The following PPP2R5E variants were observed in gnomAD, a reference collection of about 807,000 sequenced individuals.
The protein encoded by PPP2R5E is protein phosphatase 2 regulatory subunit B'epsilon.
A neutral mutation model predicts 65.3 loss-of-function variants in PPP2R5E; 4 were observed. The ratio of observed to expected loss-of-function variants is 0.06; its 90% confidence interval spans 0.03 to 0.14. The LOEUF is 0.14. Among genes scored for constraint, PPP2R5E ranks in the 10% least tolerant of loss-of-function variants. The pLI is 1.00. For synonymous variants in PPP2R5E, 183 were observed against 187.4 expected, an observed-to-expected ratio of 0.98 and a Z score of 0.19; for missense variants, 274 against 556.1, an observed-to-expected ratio of 0.49 and a Z score of 5.10.
At chr14:63,538,335 AC>A (rs1893757954) in intron 2 of PPP2R5E, among the ~76,000 whole-genome samples, 1 of 150,316 alleles carries the variant, frequency 6.7e-6, no homozygotes, top group South Asian at 2.1e-4. Context: ...ATCTGGGCTC[AC>A]TTCAACCTCT....
In PPP2R5E at chr14:63,521,251, T is replaced by A. The variant is rs61983979; in HGVS notation, c.157+18278A>T. Among the ~76,000 whole-genome samples the A allele has an allele frequency of 3.7e-3, 562 of 152,334 alleles. 3 individuals are homozygous for A. Among genetic ancestry groups the A allele is most frequent in the Non-Finnish European group, 5.6e-3 (383 of 68,030 alleles). On this transcript the variant is annotated intron_variant, in intron 2 of 13. Coordinates refer to ENST00000337537, the MANE Select transcript of PPP2R5E (RefSeq NM_006246.5). ...TGTTAAGACATAAATCTAAATATAA[T>A]ACAATATAGCTCTATTCAACATAAG...
chr14:63,519,169 G>A (rs1290809247), intron 2 of PPP2R5E, among the ~76,000 whole-genome samples: 3 of 151,994 alleles, frequency 2.0e-5, no homozygotes, highest in African/African-American at 4.8e-5. Flanking sequence ...AGCCAAGATC[G>A]TGCCATTGCA....
chr14:63,411,448 G>C (rs1391373249), intron 5 of PPP2R5E, among the ~76,000 whole-genome samples: 1 of 151,622 alleles, frequency 6.6e-6, no homozygotes, highest in Non-Finnish European at 1.5e-5. Context: ...GTGCAGTTGT[G>C]TTACATGGAT....
intron 2 of PPP2R5E, among the ~76,000 whole-genome samples, chr14:63,457,047 A>T (rs745871739): frequency 2.0e-5 from 3 of 152,264 alleles, no homozygotes; most frequent in Non-Finnish European, 2.9e-5. Context: ...ACAATTTAGG[A>T]AAGTTTTATA....
At chr14:63,492,181 T>C (rs1891315632) in intron 2 of PPP2R5E, among the ~76,000 whole-genome samples, 1 of 152,090 alleles carries the variant, frequency 6.6e-6, no homozygotes, top group Non-Finnish European at 1.5e-5. Context: ...CACTGATTTT[T>C]TACATCTTTA....
At chr14:63,435,027 G>A (rs1454883881) in intron 3 of PPP2R5E, among the ~76,000 whole-genome samples, 2 of 152,048 alleles carry the variant, frequency 1.3e-5, no homozygotes, top group African/African-American at 4.8e-5. Flanking sequence ...AGGAGAGTAT[G>A]TTTACATCAT....
chr14:63,492,025 G>T (rs1891307524), intron 2 of PPP2R5E, among the ~76,000 whole-genome samples: 1 of 151,932 alleles, frequency 6.6e-6, no homozygotes. Context: ...AAGAAACAAA[G>T]GGGAAAACTT....
intron 3 of PPP2R5E, among the ~76,000 whole-genome samples, chr14:63,445,871 GTGGCTTCGAT>G (rs965450624): frequency 1.8e-4 from 28 of 151,840 alleles, no homozygotes; most frequent in Admixed American, 1.4e-3. Flanking sequence ...AATGAAGTTT[GTGGCTTCGAT>G]TGACTCTTCC....
chr14:63,455,068 G>C (rs1156650375), intron 2 of PPP2R5E, among the ~76,000 whole-genome samples: 1 of 152,172 alleles, frequency 6.6e-6, no homozygotes, highest in Non-Finnish European at 1.5e-5. Flanking sequence ...GTCATCCTCA[G>C]TTGCCAGCCT....
chr14:63,410,662 G>A (rs948908527), intron 5 of PPP2R5E, among the ~76,000 whole-genome samples: 12 of 152,174 alleles, frequency 7.9e-5, no homozygotes, highest in Admixed American at 2.0e-4. Context: ...AGACTAAAGG[G>A]TAAGGAAAAG....
At chr14:63,459,866 T>C (rs770498987) in intron 2 of PPP2R5E, among the ~76,000 whole-genome samples, 1 of 152,206 alleles carries the variant, frequency 6.6e-6, no homozygotes, top group African/African-American at 2.4e-5. Context: ...AAACTTTTAG[T>C]TTCCAAGCTA....
chr14:63,530,827 G>C (rs774222160), intron 2 of PPP2R5E, among the ~76,000 whole-genome samples: 10 of 151,230 alleles, frequency 6.6e-5, no homozygotes, highest in Non-Finnish European at 1.0e-4. Context: ...ATGTTGGCCT[G>C]GCTGGTATCA....
In PPP2R5E at chr14:63,372,930, T is replaced by C. The variant is rs978296081; in HGVS notation, c.*3079A>G. 9.9e-5 allele frequency: 15 copies of C among 152,210 alleles called. No individual in the cohort carries two copies. Among genetic ancestry groups the C allele is most frequent in the African/African-American group, 3.6e-4 (15 of 41,448 alleles). 9.4% of individuals were successfully genotyped at this position (152,210 alleles called of 1,614,324 possible). A position where few individuals can be genotyped will look rare whatever the true frequency, so the allele number is the denominator to read the frequency against. ...AGGGTATTATTTATTTCTTTTTTTT[T>C]CTTTTCTTTTATAAAAAACAGTCAA... On this transcript the variant is annotated 3_prime_UTR_variant, in exon 14 of 14. Coordinates refer to ENST00000337537, the MANE Select transcript of PPP2R5E (RefSeq NM_006246.5).
At chr14:63,387,242 C>T (rs1338444904) in intron 11 of PPP2R5E, among the ~76,000 whole-genome samples, 1 of 152,146 alleles carries the variant, frequency 6.6e-6, no homozygotes, top group Non-Finnish European at 1.5e-5. Flanking sequence ...CTCCAGAATC[C>T]AATATTTACC....
In PPP2R5E at chr14:63,382,809, G is replaced by T. The variant is rs550709755; in HGVS notation, c.1203-652C>A. 6.1e-4 allele frequency among the ~76,000 whole-genome samples: 93 copies of T among 152,246 alleles called. 2 individuals carry two copies. Among genetic ancestry groups the T allele is most frequent in the South Asian group, 4.8e-3 (23 of 4,830 alleles). On this transcript the variant is annotated intron_variant, in intron 12 of 13. Coordinates refer to ENST00000337537, the MANE Select transcript of PPP2R5E (RefSeq NM_006246.5). ...TAAAGCAATTTCACCCTAAAATAAG[G>T]ATCTGTGATAGCACTAACCTTAGAC...
chr14:63,505,623 G>A (rs1892124349), intron 2 of PPP2R5E, among the ~76,000 whole-genome samples: 1 of 152,150 alleles, frequency 6.6e-6, no homozygotes. Flanking sequence ...ACAGCCTTCT[G>A]CACACACTCT....
chr14:63,453,110 A>T (rs1888935458), intron 3 of PPP2R5E: 1 of 152,220 alleles, frequency 6.6e-6, no homozygotes, highest in South Asian at 2.1e-4. Flanking sequence ...GTAATTACTC[A>T]CATTATGTTA....
rs1883848135 is a variant in PPP2R5E, at chr14:63,374,149, T to C, written c.*1860A>G. 6.6e-6 allele frequency: 1 copy of C among 151,748 alleles called. No homozygotes were observed. Among genetic ancestry groups the C allele is most frequent in the Non-Finnish European group, 1.5e-5 (1 of 67,956 alleles). 9.4% of individuals were successfully genotyped at this position (151,748 alleles called of 1,614,324 possible). On this transcript the variant is annotated 3_prime_UTR_variant, in exon 14 of 14. Coordinates refer to ENST00000337537, the MANE Select transcript of PPP2R5E (RefSeq NM_006246.5). ...TTGTTTTTTTACAAAGTTACCGAGA[T>C]GACAATATCCATAATTAGCTGACTC... is the stretch of plus-strand genomic sequence containing the variant.
chr14:63,389,431 A>G (rs1884878029), intron 11 of PPP2R5E, among the ~76,000 whole-genome samples, 181 bp downstream of exon 11: 1 of 152,158 alleles, frequency 6.6e-6, no homozygotes, highest in Non-Finnish European at 1.5e-5. Flanking sequence ...AGAAAGCACC[A>G]TTACTGTGGC....
Sources: gnomAD v4.1 joint callset for allele counts (sites outside exome capture counted in the v4.1 genomes callset) on GRCh38, gnomAD v4.1.1 for gene constraint, MANE v1.5 for transcripts, NCBI Gene and HGNC (gene_info 2026-07-23, HGNC 2026-07-21) for gene names.